METTL25B: variants seen among roughly 807,000 people sequenced by gnomAD.
METTL25B encodes methyltransferase like 25B, also known as methyltransferase-like protein 25B.
Under a neutral mutation model 48.4 loss-of-function variants are expected in METTL25B, and 38 were observed. That is an observed-to-expected ratio of 0.78 (90% confidence interval 0.61 to 1.03). The LOEUF is 1.03. Among genes scored for constraint, METTL25B ranks in the 50% least tolerant of loss-of-function variants. METTL25B has a pLI of 0.00. For synonymous variants in METTL25B, 230 were observed against 254.5 expected (o/e 0.90, Z 0.92); for missense variants, 537 against 603.7 (o/e 0.89, Z 1.16).
chr1:156,735,970 C>T, intron 7 of METTL25B, 61 bp downstream of exon 7: 6 of 1,433,640 alleles, frequency 4.2e-6, no homozygotes, highest in Non-Finnish European at 5.7e-6. Flanking sequence ...GGGGCTCCTT[C>T]TCCAAGTCCC....
chr1:156,736,057 A>C (rs1649766264), intron 7 of METTL25B, 148 bp downstream of exon 7: 1 of 640,884 alleles, frequency 1.6e-6, no homozygotes, highest in African/African-American at 1.8e-5. Flanking sequence ...GATTGGGAGT[A>C]GGGGATTTGT....
chr1:156,736,495 C>T, intron 7 of METTL25B, 137 bp from the exon 8 acceptor site: 1 of 976,404 alleles, frequency 1.0e-6, no homozygotes, highest in South Asian at 1.6e-5. Flanking sequence ...ACCCGTGTTC[C>T]TTATGGAGAA....
chr1:156,732,439 C>A lies in METTL25B; in HGVS notation c.395C>A (p.Pro132His), dbSNP rs753880235. 13 of 1,613,934 alleles carry A rather than the reference C, an allele frequency of 8.1e-6. No homozygotes were observed. Among genetic ancestry groups the A allele is most frequent in the Non-Finnish European group, 1.1e-5 (13 of 1,180,028 alleles). The change falls in exon 3 of 8, where the codon CCC (proline) becomes CAC (histidine). Residue 132 changes from proline to histidine, a missense_variant. By Grantham distance (77) the Pro-to-His change is moderately conservative. Coordinates refer to ENST00000368216, the MANE Select transcript of METTL25B (RefSeq NM_015997.4). ...LTAPFRKHVR[P>H]KKQHEIRRLG... The stretch of plus-strand genomic sequence containing the variant: ...GCTCCATTCCGGAAACATGTCAGGC[C>A]CAAGAAGCAGCATGAGATCCGGAGG...
At chr1:156,734,824 C>T (rs1649613728) in intron 6 of METTL25B, among the ~76,000 whole-genome samples, 1 of 93,794 alleles carries the variant, frequency 1.1e-5, no homozygotes, top group African/African-American at 3.7e-5. Context: ...AGCCACCGCA[C>T]CCGGCCTGGA....
At position 156,728,971 on chromosome 1, in the gene METTL25B, G is replaced by T. The variant is rs532615603; in HGVS notation, c.-134G>T. 12 of 570,070 alleles carry T rather than the reference G, an allele frequency of 2.1e-5. No homozygotes were observed. The Admixed American group carries it at 4.4e-4, about 21-fold the overall frequency. The allele number at this position is 570,070 out of a possible 1,614,324, so 35.3% of individuals were successfully genotyped here. Reference sequence around the variant, plus strand: ...CATCGGATCCCGGAAAGGCAGCGTCGGAGACTGGACCCAAAACTCTTCCTG... The same window carrying T: ...CATCGGATCCCGGAAAGGCAGCGTCTGAGACTGGACCCAAAACTCTTCCTG... On this transcript the variant is annotated 5_prime_UTR_variant, in exon 1 of 8. Coordinates refer to ENST00000368216, the MANE Select transcript of METTL25B (RefSeq NM_015997.4).
chr1:156,728,697 G>A lies in METTL25B; in HGVS notation c.-408G>A. ...GTGGTACAACGCGAAGGTGTGGGAA[G>A]GCCGCGATAAACCGGAACTGCAGCC... On this transcript the variant is annotated 5_prime_UTR_variant, in exon 1 of 8. Transcript: ENST00000368216. The A allele has an allele frequency of 1.0e-6, 1 of 991,550 alleles. No individual in the cohort carries two copies. Among genetic ancestry groups the A allele is most frequent in the Non-Finnish European group, 1.2e-6 (1 of 833,410 alleles). The allele number at this position is 991,550 out of a possible 1,614,324, so 61.4% of individuals were successfully genotyped here.
At chr1:156,729,323 G>A (rs777687865) in intron 1 of METTL25B, 108 bp downstream of exon 1, 35 of 680,496 alleles carry the variant, frequency 5.1e-5, no homozygotes, top group Non-Finnish European at 8.0e-5. Context: ...TTCCTTCTAT[G>A]AGTTTCAGTC....
At position 156,729,468 on chromosome 1, in the gene METTL25B, C is replaced by T. The variant is rs567908055; in HGVS notation, c.111+253C>T. On this transcript the variant is annotated intron_variant, in intron 1 of 7. Coordinates refer to ENST00000368216, the MANE Select transcript of METTL25B (RefSeq NM_015997.4). ...TTGAGACGGAGTCTCGCTCTGTCCC[C>T]CAGGCTGGAGTGCAGTGGCACGATC... 881 of 323,448 alleles carry T rather than the reference C, an allele frequency of 2.7e-3. 3 individuals are homozygous for T. Among genetic ancestry groups the T allele is most frequent in the Non-Finnish European group, 3.8e-3 (678 of 179,802 alleles). 20.0% of individuals were successfully genotyped at this position (323,448 alleles called of 1,614,324 possible).
In METTL25B at chr1:156,730,550, C is replaced by T. The variant is rs1227605196; in HGVS notation, c.111+1335C>T. Among the ~76,000 whole-genome samples the T allele has an allele frequency of 4.0e-5, 6 of 151,116 alleles. No homozygotes were observed. The South Asian group carries it at 1.3e-3, about 32-fold the overall frequency. On this transcript the variant is annotated intron_variant, in intron 1 of 7. Coordinates refer to ENST00000368216, the MANE Select transcript of METTL25B (RefSeq NM_015997.4). ...ACCAGCCTGGGCAACACGGTGAAACCCCGTCTCTACTAAAATAAAATAAAA... is the reference window on the plus strand; with the variant it reads ...ACCAGCCTGGGCAACACGGTGAAACTCCGTCTCTACTAAAATAAAATAAAA...
At position 156,731,998 on chromosome 1, in the gene METTL25B, T is replaced by C; in HGVS notation, c.119T>C (p.Phe40Ser). The C allele has an allele frequency of 1.2e-6, 2 of 1,614,172 alleles. No individual in the cohort carries two copies. Among genetic ancestry groups the C allele is most frequent in the Non-Finnish European group, 1.7e-6 (2 of 1,180,010 alleles). Residue 40 changes from phenylalanine to serine, a missense_variant, in exon 2 of 8, where the codon TTC (phenylalanine) becomes TCC (serine). Phe to Ser is a radical substitution (Grantham distance 155). Transcript: ENST00000368216. ...SILDAYIIEFFTDNLWDTLPC... is the reference protein window; with the variant it reads ...SILDAYIIEFSTDNLWDTLPC... ...TCTCCCCTTCTTCTGTAGGAATTTT[T>C]CACAGACAACCTATGGGACACACTC...
rs979208064 is a variant in METTL25B, at chr1:156,728,766, T to C, written c.-339T>C. ...TCACTTCCGTAAGAGGAGAGGAGTG[T>C]ACGGCAAGGGGCGGGAACTGGAACT... On this transcript the variant is annotated 5_prime_UTR_variant, in exon 1 of 8. Transcript: ENST00000368216. 2.9e-6 allele frequency: 3 copies of C among 1,050,136 alleles called. No homozygotes were observed. The highest frequency in any genetic ancestry group is 3.5e-6 in the Non-Finnish European group (3 of 868,274). 65.1% of individuals were successfully genotyped at this position (1,050,136 alleles called of 1,614,324 possible).
At position 156,728,627 on chromosome 1, in the gene METTL25B, TGGGGGC is replaced by T. The variant is rs1037608431; in HGVS notation, c.-468_-463del. ...GCGGCGGAGGAGGGGGCGGCGTGGG[TGGGGGC>T]GGGGGCGGGATGCGCTCCCCGGCCC... is the stretch of plus-strand genomic sequence containing the variant. On this transcript the variant is annotated 5_prime_UTR_variant, in exon 1 of 8. Transcript: ENST00000368216. The T allele has an allele frequency of 7.7e-6, 2 of 258,988 alleles. No individual in the cohort carries two copies. Among genetic ancestry groups the T allele is most frequent in the African/African-American group, 3.5e-5 (1 of 28,670 alleles). The allele number at this position is 258,988 out of a possible 1,614,324, so 16.0% of individuals were successfully genotyped here.
intron 1 of METTL25B, chr1:156,729,433 C>T (rs76352610): frequency 0.13 from 32,496 of 248,990 alleles, 1,603 homozygotes; most frequent in Admixed American, 0.29. Context: ...TTTTTTTTTT[C>T]TTTTTTTTTT....
intron 1 of METTL25B, 88 bp from the exon 2 acceptor site, chr1:156,731,903 G>T (rs543853295): frequency 1.3e-6 from 2 of 1,532,374 alleles, no homozygotes; most frequent in Admixed American, 3.4e-5. Context: ...CTGGGAAGAG[G>T]CAGGCAATGA....
chr1:156,735,972 C>G, intron 7 of METTL25B, 63 bp downstream of exon 7: 2 of 1,430,846 alleles, frequency 1.4e-6, no homozygotes, highest in African/African-American at 1.4e-5. Flanking sequence ...GGCTCCTTCT[C>G]CAAGTCCCAG....
At chr1:156,732,510 G>A in intron 3 of METTL25B, 37 bp downstream of exon 3, 2 of 1,599,410 alleles carry the variant, frequency 1.3e-6, no homozygotes, top group Non-Finnish European at 1.7e-6. Context: ...GTGTCTGGGA[G>A]CCCAGGGACT....
chr1:156,733,286 C>T, intron 4 of METTL25B, 91 bp from the exon 5 acceptor site: 1 of 1,498,126 alleles, frequency 6.7e-7, no homozygotes, highest in South Asian at 1.3e-5. Context: ...TTCTGTGGGG[C>T]CTGGGACCCA....
chr1:156,728,496 C>A lies in METTL25B; in HGVS notation c.-609C>A. ...TGCGCGCCGACGAAGCCCGGGAAGG[C>A]AGGCGCGCGGGTTAGAACGCGCCAG... On this transcript the variant is annotated 5_prime_UTR_variant, in exon 1 of 8. Coordinates refer to ENST00000368216, the MANE Select transcript of METTL25B (RefSeq NM_015997.4). 2.0e-6 allele frequency: 2 copies of A among 985,628 alleles called. No homozygotes were observed. The highest frequency in any genetic ancestry group is 2.4e-6 in the Non-Finnish European group (2 of 829,934). 61.1% of individuals were successfully genotyped at this position (985,628 alleles called of 1,614,324 possible).
rs1388745510 is a variant in METTL25B at position 156,731,687 on chromosome 1, C to G, written c.112-304C>G. ...GTGAAGATACCATCCCATCCCTCCC[C>G]TTAAGAAATTCAATTTAATAGAGAA... is the stretch of plus-strand genomic sequence containing the variant. On this transcript the variant is annotated intron_variant, in intron 1 of 7. Coordinates refer to ENST00000368216, the MANE Select transcript of METTL25B (RefSeq NM_015997.4). Among the ~76,000 whole-genome samples, 2 of 152,216 alleles carry G rather than the reference C, an allele frequency of 1.3e-5. 1 individual carries two copies. Among genetic ancestry groups the G allele is most frequent in the African/African-American group, 4.8e-5 (2 of 41,448 alleles).
Sources: gnomAD v4.1 joint callset for allele counts (sites outside exome capture counted in the v4.1 genomes callset) on GRCh38, gnomAD v4.1.1 for gene constraint, MANE v1.5 for transcripts, NCBI Gene and HGNC (gene_info 2026-07-23, HGNC 2026-07-21) for gene names.